The following PTPRN2 variants were observed in gnomAD, a reference collection of about 807,000 sequenced individuals.
PTPRN2 encodes protein tyrosine phosphatase receptor type N2, also known as receptor-type tyrosine-protein phosphatase N2.
Under a neutral mutation model 118.8 loss-of-function variants are expected in PTPRN2, and 74 were observed. That is an observed-to-expected ratio of 0.62 (90% CI 0.52 to 0.76). PTPRN2 has a LOEUF of 0.76. PTPRN2 is among the 30% of genes least tolerant of loss of function. The pLI is 0.00. For missense variants in PTPRN2, 1,481 were observed against 1,394.4 expected, an observed-to-expected ratio of 1.06 and a Z score of -0.99; for synonymous variants, 641 against 608.0, an observed-to-expected ratio of 1.05 and a Z score of -0.80.
intron 21 of PTPRN2, among the ~76,000 whole-genome samples, chr7:157,564,809 CGCCCCAGGG>C (rs1563217312): frequency 1.3e-5 from 2 of 152,216 alleles, no homozygotes; most frequent in Non-Finnish European, 2.9e-5. Flanking sequence ...GTGGCGATTC[CGCCCCAGGG>C]ACATATCCAG....
At chr7:157,657,992 GAC>G (rs200553652) in intron 13 of PTPRN2, among the ~76,000 whole-genome samples, 3,996 of 127,002 alleles carry the variant, frequency 0.031, 167 homozygotes, top group South Asian at 0.11. Context: ...ACACGTCACA[GAC>G]ACACACACCA....
At chr7:158,084,022 G>A (rs137951791) in intron 10 of PTPRN2, among the ~76,000 whole-genome samples, 95 of 150,350 alleles carry the variant, frequency 6.3e-4, no homozygotes, top group Non-Finnish European at 1.0e-3. Context: ...GGCCCTCCTG[G>A]GCCCTTCCGC....
Position 157,794,349 on chromosome 7 carries a change from T to G in PTPRN2, c.1788+104324A>C, listed in dbSNP as rs2151082874. On this transcript the variant is annotated intron_variant, in intron 12 of 22. Coordinates refer to ENST00000389418, the MANE Select transcript of PTPRN2 (RefSeq NM_002847.5). The surrounding 1 kb of genome is among the most constrained non-coding windows in gnomAD (Gnocchi z 5.2). ...ACCTCCCTGCTCCACCCAGGCTGCC[T>G]GCACTTCCGGTTCTGCGTCTGGCCG... Among the ~76,000 whole-genome samples the G allele has an allele frequency of 6.6e-6, 1 of 150,758 alleles. No homozygotes were observed. The highest frequency in any genetic ancestry group is 2.5e-5 in the African/African-American group (1 of 40,246).
chr7:158,548,654 G>A (rs933435267), intron 1 of PTPRN2, among the ~76,000 whole-genome samples: 2 of 152,172 alleles, frequency 1.3e-5, no homozygotes, highest in African/African-American at 4.8e-5. Flanking sequence ...TTATGATAAA[G>A]GTGTTTTCTT....
chr7:157,753,671 ATGTG>A (rs1427965612), intron 12 of PTPRN2, among the ~76,000 whole-genome samples: 1 of 148,240 alleles, frequency 6.7e-6, no homozygotes, highest in East Asian at 2.2e-4. Context: ...GTTCTCTACC[ATGTG>A]CCAGGCCCCA....
chr7:157,642,598 C>T (rs781208348), intron 14 of PTPRN2, among the ~76,000 whole-genome samples: 39 of 152,218 alleles, frequency 2.6e-4, no homozygotes, highest in East Asian at 1.5e-3. Context: ...GCTCAGAAAA[C>T]GCTGCACGAA....
intron 2 of PTPRN2, among the ~76,000 whole-genome samples, chr7:158,337,274 A>C (rs4909186): frequency 0.43 from 56,921 of 131,830 alleles, 10,756 homozygotes; most frequent in Middle Eastern, 0.57. Flanking sequence ...ACGTCACTCA[A>C]ACTCACACTC....
intron 2 of PTPRN2, among the ~76,000 whole-genome samples, chr7:158,374,411 G>A (rs191965354): frequency 8.6e-4 from 131 of 152,260 alleles, no homozygotes; most frequent in African/African-American, 2.9e-3. Flanking sequence ...ACCAGACCCT[G>A]CAGCTCCTCA....
intron 14 of PTPRN2, among the ~76,000 whole-genome samples, chr7:157,644,655 C>T (rs1031956136): frequency 3.9e-5 from 6 of 152,080 alleles, no homozygotes; most frequent in Admixed American, 1.3e-4. Flanking sequence ...ATTAGCCAGG[C>T]GTGGTGGCTA....
chr7:158,587,239 G>T (rs1186775939), intron 1 of PTPRN2, among the ~76,000 whole-genome samples: 1 of 111,192 alleles, frequency 9.0e-6, no homozygotes. Context: ...ATTCATTGAG[G>T]CGCCCCTCCC....
chr7:158,278,992 C>T (rs190494392), intron 3 of PTPRN2, among the ~76,000 whole-genome samples: 117 of 152,192 alleles, frequency 7.7e-4, no homozygotes, highest in South Asian at 4.8e-3. Context: ...TGCAGACCTT[C>T]GAGGTGAGTG....
chr7:158,527,232 G>C (rs370270964), intron 1 of PTPRN2, among the ~76,000 whole-genome samples: 1 of 148,026 alleles, frequency 6.8e-6, no homozygotes. Context: ...CCCACACCCA[G>C]CTTCTCCACC....
chr7:157,568,850 C>T (rs757598649), intron 21 of PTPRN2, 52 bp downstream of exon 21: 4 of 1,513,450 alleles, frequency 2.6e-6, no homozygotes, highest in Non-Finnish European at 3.7e-6. Context: ...GTTGCCATAG[C>T]GACGCCATCC....
At position 157,779,737 on chromosome 7, in the gene PTPRN2, G is replaced by T. The variant is rs1437449420; in HGVS notation, c.1789-96800C>A. ...GGGGTCCTGAGGGTCTGGGGAAGGC[G>T]CTGTGGCCTGAATGCTCACCCTATG... On this transcript the variant is annotated intron_variant, in intron 12 of 22. Coordinates refer to ENST00000389418, the MANE Select transcript of PTPRN2 (RefSeq NM_002847.5). This position sits in a 1 kb window ranked among gnomAD's most constrained non-coding sequence, Gnocchi z 4.7. Among the ~76,000 whole-genome samples the T allele has an allele frequency of 6.6e-6, 1 of 152,206 alleles. No homozygotes were observed. The highest frequency in any genetic ancestry group is 1.5e-5 in the Non-Finnish European group (1 of 68,034).
chr7:158,062,968 C>A (rs960847654), intron 11 of PTPRN2, among the ~76,000 whole-genome samples: 1 of 152,214 alleles, frequency 6.6e-6, no homozygotes, highest in Non-Finnish European at 1.5e-5. Context: ...TCACGGTGCA[C>A]GACTGGCAGG....
rs1328035980 is a variant in PTPRN2, at chr7:157,676,294, C to T, written c.2001+6431G>A. Among the ~76,000 whole-genome samples, 4 of 152,256 alleles carry T rather than the reference C, an allele frequency of 2.6e-5. No individual in the cohort carries two copies. Among genetic ancestry groups the T allele is most frequent in the East Asian group, 1.9e-4 (1 of 5,170 alleles). ...ATGGCTCCAGCACCTGCCCCAGCCA[C>T]GCCTCCATCTCCCGCCAGCCGCCAA... On this transcript the variant is annotated intron_variant, in intron 13 of 22. Transcript: ENST00000389418. This position sits in a 1 kb window ranked among gnomAD's most constrained non-coding sequence, Gnocchi z 5.6.
chr7:158,418,882 G>C (rs1192344368), intron 2 of PTPRN2, among the ~76,000 whole-genome samples: 1 of 152,214 alleles, frequency 6.6e-6, no homozygotes, highest in Non-Finnish European at 1.5e-5. Context: ...CTGTCCCACT[G>C]TGTTGTCACA....
chr7:157,754,805 G>A (rs569575823), intron 12 of PTPRN2, among the ~76,000 whole-genome samples: 2 of 152,260 alleles, frequency 1.3e-5, no homozygotes, highest in Non-Finnish European at 2.9e-5. Flanking sequence ...AAACACTGGA[G>A]CTGCAGAGAA....
At chr7:158,016,214 C>G (rs1806444961) in intron 11 of PTPRN2, among the ~76,000 whole-genome samples, 1 of 152,194 alleles carries the variant, frequency 6.6e-6, no homozygotes, top group South Asian at 2.1e-4. Context: ...GGAGGATGGG[C>G]AGGGCTCGGG....
Sources: gnomAD v4.1 joint callset for allele counts (sites outside exome capture counted in the v4.1 genomes callset) on GRCh38, gnomAD v4.1.1 for gene constraint, Gnocchi (gnomAD v3.1) non-coding constraint, MANE v1.5 for transcripts, NCBI Gene and HGNC (gene_info 2026-07-23, HGNC 2026-07-21) for gene names.